The following WDR4 variants were observed in gnomAD, a reference collection of about 807,000 sequenced individuals.
WDR4 encodes the protein WDR4 tRNA N7-guanosine methyltransferase non-catalytic subunit, also known as tRNA (guanine-N(7)-)-methyltransferase non-catalytic subunit WDR4.
Under a neutral mutation model 48.6 loss-of-function variants are expected in WDR4, and 47 were observed. The observed-to-expected ratio is 0.97, with a 90% CI of 0.77 to 1.23. WDR4 has a LOEUF of 1.23. WDR4 is among the 50% of genes most tolerant of loss of function. WDR4 has a pLI of 0.00. For missense variants in WDR4, 606 were observed against 551.6 expected (o/e 1.10, Z -0.99); for synonymous variants, 268 against 230.0 (o/e 1.17, Z -1.49).
intron 3 of WDR4, among the ~76,000 whole-genome samples, chr21:42,866,575 G>T (rs1409888295): frequency 1.3e-5 from 2 of 152,116 alleles, no homozygotes; most frequent in Non-Finnish European, 2.9e-5. Flanking sequence ...CCAGGTGTGG[G>T]GAGCAGCCCC....
At chr21:42,891,764 C>G in the WDR4 span, among the ~76,000 whole-genome samples, 1 of 151,768 alleles carries the variant, frequency 6.6e-6, no homozygotes, top group Non-Finnish European at 1.5e-5. Context: ...CGAGACCAGT[C>G]TGGCCAACAT....
chr21:42,874,157 A>G (rs1293979295), intron 2 of WDR4, among the ~76,000 whole-genome samples: 1 of 152,226 alleles, frequency 6.6e-6, no homozygotes, highest in African/African-American at 2.4e-5. Flanking sequence ...GATTTCATGG[A>G]CATTTATTAG....
rs766578826 is a variant in WDR4 at position 42,863,442 on chromosome 21, C to T, written c.451G>A (p.Val151Met). Residue 151 changes from valine (V) to methionine (M), a missense_variant and splice_region_variant, in exon 4 of 11, where the codon GTG becomes ATG. Val to Met is a conservative substitution (Grantham distance 21). Coordinates refer to ENST00000398208, the MANE Select transcript of WDR4 (RefSeq NM_018669.6). Reference sequence around the variant, plus strand: ...CACCTACCACGTCCCCCACCTACCACATCTAACAGCATAGACAGGTGCCCC... The same window carrying T: ...CACCTACCACGTCCCCCACCTACCATATCTAACAGCATAGACAGGTGCCCC... ...ELGHLSMLLD[V>M]AVSPDDRFIL... 1 of 1,611,062 alleles carries T rather than the reference C, an allele frequency of 6.2e-7. No homozygotes were observed. The highest frequency in any genetic ancestry group is 1.1e-5 in the South Asian group (1 of 90,968).
At chr21:42,870,573 G>A (rs2058349331) in intron 3 of WDR4, among the ~76,000 whole-genome samples, 1 of 84,506 alleles carries the variant, frequency 1.2e-5, no homozygotes, top group African/African-American at 9.4e-5. Flanking sequence ...ACATCACCTT[G>A]AGGTCAGAGT....
Position 42,862,211 on chromosome 21 carries a change from G to T in WDR4, c.566+71C>A, listed in dbSNP as rs968423146. Reference sequence around the variant, plus strand: ...GGCCTCGCCAGCTACAACGGCACCTGCTGAGCCGCAAGCTGACGCTGTTTT... The same window carrying T: ...GGCCTCGCCAGCTACAACGGCACCTTCTGAGCCGCAAGCTGACGCTGTTTT... On this transcript the variant is annotated intron_variant, in intron 5 of 10. Coordinates refer to ENST00000398208, the MANE Select transcript of WDR4 (RefSeq NM_018669.6). This position sits in a 1 kb window ranked among gnomAD's most constrained non-coding sequence, Gnocchi z 4.3. 17 of 1,413,342 alleles carry T rather than the reference G, an allele frequency of 1.2e-5. No individual in the cohort carries two copies. Among genetic ancestry groups the T allele is most frequent in the African/African-American group, 2.8e-5 (2 of 70,444 alleles). The allele number at this position is 1,413,342 out of a possible 1,614,324, so 87.6% of individuals were successfully genotyped here.
chr21:42,843,997 AT>A (rs1467249074), intron 11 of WDR4, among the ~76,000 whole-genome samples: 1 of 152,164 alleles, frequency 6.6e-6, no homozygotes, highest in East Asian at 1.9e-4. Flanking sequence ...GCTGGAAGAC[AT>A]TTTTTTAAAT....
Position 42,877,039 on chromosome 21 carries a change from A to G in WDR4, c.90-272T>C, listed in dbSNP as rs372168499. Reference sequence around the variant, plus strand: ...TCCATGTTGATCAGGGTGATCTCAAATCCCCAACCTCAGGTGATCCACCAA... The same window carrying G: ...TCCATGTTGATCAGGGTGATCTCAAGTCCCCAACCTCAGGTGATCCACCAA... On this transcript the variant is annotated intron_variant, in intron 1 of 10. Coordinates refer to ENST00000398208, the MANE Select transcript of WDR4 (RefSeq NM_018669.6). Among the ~76,000 whole-genome samples, 13 of 151,962 alleles carry G rather than the reference A, an allele frequency of 8.6e-5. No individual in the cohort carries two copies. The East Asian group carries it at 2.5e-3, about 29-fold the overall frequency.
chr21:42,865,541 T>C (rs983214186), intron 3 of WDR4, among the ~76,000 whole-genome samples: 67 of 152,242 alleles, frequency 4.4e-4, no homozygotes, highest in African/African-American at 1.4e-3. Context: ...CCCTTTGTCC[T>C]GCCCCAGCCG....
downstream of WDR4, among the ~76,000 whole-genome samples, chr21:42,847,570 G>C (rs578233091): frequency 5.3e-5 from 8 of 152,338 alleles, no homozygotes; most frequent in African/African-American, 1.9e-4. Context: ...ACGCGGCCCC[G>C]TGAGGAGGGC....
downstream of WDR4, among the ~76,000 whole-genome samples, chr21:42,845,866 C>A (rs888849082): frequency 6.6e-6 from 1 of 152,224 alleles, no homozygotes; most frequent in Admixed American, 6.5e-5. Context: ...GGGGCAGTGG[C>A]TCACACCTGT....
At chr21:42,870,039 CA>C (rs2058336539) in intron 3 of WDR4, among the ~76,000 whole-genome samples, 1 of 151,182 alleles carries the variant, frequency 6.6e-6, no homozygotes, top group South Asian at 2.1e-4. Context: ...TGCTGACCAC[CA>C]GTAGAGGGAT....
upstream of WDR4, chr21:42,879,713 C>T: frequency 1.8e-6 from 1 of 557,398 alleles, no homozygotes. Context: ...TGGCAGTTCA[C>T]TCACCAAGGT....
At position 42,862,398 on chromosome 21, in the gene WDR4, C is replaced by A; in HGVS notation, c.454-4G>T. 6.3e-7 allele frequency: 1 copy of A among 1,598,594 alleles called. No individual in the cohort carries two copies. Among genetic ancestry groups the A allele is most frequent in the Non-Finnish European group, 8.5e-7 (1 of 1,172,302 alleles). On this transcript the variant is annotated splice_polypyrimidine_tract_variant and splice_region_variant and intron_variant, in intron 4 of 10. Coordinates refer to ENST00000398208, the MANE Select transcript of WDR4 (RefSeq NM_018669.6). The surrounding 1 kb of genome is among the most constrained non-coding windows in gnomAD (Gnocchi z 4.3). ...AGCGGTCATCAGGACTCACAGCCTG[C>A]ATCACCAGGGGCCAGAAAAGAAAAA...
chr21:42,854,076 A>G (rs2057918059), intron 8 of WDR4, among the ~76,000 whole-genome samples: 1 of 152,230 alleles, frequency 6.6e-6, no homozygotes, highest in Non-Finnish European at 1.5e-5. Flanking sequence ...ACGAGCTAAG[A>G]GACCTCCCCA....
chr21:42,850,298 C>G, intron 10 of WDR4, 56 bp from the exon 11 acceptor site: 1 of 1,487,454 alleles, frequency 6.7e-7, no homozygotes, highest in Non-Finnish European at 9.1e-7. Context: ...GGGACTCGGC[C>G]ACCACAGCGG....
intron 3 of WDR4, among the ~76,000 whole-genome samples, chr21:42,866,221 G>A (rs556602492): frequency 1.3e-5 from 2 of 152,222 alleles, no homozygotes; most frequent in Admixed American, 1.3e-4. Context: ...AGAGTCTCCT[G>A]ACTGCCCAGG....
chr21:42,892,702 A>G, the WDR4 span, among the ~76,000 whole-genome samples: 116 of 152,332 alleles, frequency 7.6e-4, no homozygotes, highest in Middle Eastern at 3.4e-3. Flanking sequence ...ACTCTTTGCT[A>G]AATAAACATT....
rs747366329 is a variant in WDR4 at position 42,859,694 on chromosome 21, T to A, written c.595A>T (p.Thr199Ser). 1.9e-5 allele frequency: 30 copies of A among 1,541,736 alleles called. No homozygotes were observed. Among genetic ancestry groups the A allele is most frequent in the Non-Finnish European group, 2.6e-5 (30 of 1,142,986 alleles). The change falls in exon 6 of 11, where the codon ACT (threonine) becomes TCT (serine). Residue 199 changes from threonine (T) to serine (S), a missense_variant. Coordinates refer to ENST00000398208, the MANE Select transcript of WDR4 (RefSeq NM_018669.6). ...GAGGACAGAAGCAGCCCGGGCTGAG[T>A]TGGCACCACGGAGATACGGCTCACA... ...EFVSRISVVPTQPGLLLSSSG... is the reference protein window; with the variant it reads ...EFVSRISVVPSQPGLLLSSSG...
chr21:42,871,799 A>G (rs1375646647), intron 3 of WDR4, among the ~76,000 whole-genome samples: 1 of 152,218 alleles, frequency 6.6e-6, no homozygotes. Context: ...TGCATCTATT[A>G]CCTACCTGAT....
Sources: allele counts gnomAD v4.1 joint callset (sites outside exome capture counted in the v4.1 genomes callset), GRCh38; gene constraint gnomAD v4.1.1; non-coding constraint Gnocchi (gnomAD v3.1); transcripts MANE v1.5; gene names NCBI Gene and HGNC (gene_info 2026-07-23, HGNC 2026-07-21).